The following BCAS1 variants were observed in gnomAD, a reference collection of about 807,000 sequenced individuals.
BCAS1 encodes brain enriched myelin associated protein 1.
In BCAS1, 46 loss-of-function variants were observed where a neutral mutation model predicts 65.4. That is an observed-to-expected ratio of 0.70 (90% CI 0.55 to 0.90). The LOEUF (loss-of-function observed/expected upper bound fraction) is 0.90. BCAS1 is among the 40% of genes least tolerant of loss of function. BCAS1 has a pLI of 0.00. For synonymous variants in BCAS1, 298 were observed against 293.5 expected (o/e 1.02, Z -0.16); for missense variants, 793 against 771.2 (o/e 1.03, Z -0.33).
At chr20:53,984,450 C>T (rs80335054) in intron 8 of BCAS1, among the ~76,000 whole-genome samples, 56 of 152,284 alleles carry the variant, frequency 3.7e-4, no homozygotes, top group African/African-American at 1.3e-3. Context: ...GGATTCTGGA[C>T]GACGGAGTAA....
intron 4 of BCAS1, among the ~76,000 whole-genome samples, chr20:54,005,978 C>T (rs887265831): frequency 1.3e-5 from 2 of 152,132 alleles, no homozygotes; most frequent in African/African-American, 2.4e-5. Context: ...TGGAGTCAGA[C>T]TGAGGAAGTG....
chr20:53,957,121 G>C (rs2089723759), intron 11 of BCAS1, among the ~76,000 whole-genome samples: 1 of 152,236 alleles, frequency 6.6e-6, no homozygotes, highest in African/African-American at 2.4e-5. Context: ...GTAGTTATGA[G>C]AGGCAGATAT....
intron 10 of BCAS1, among the ~76,000 whole-genome samples, chr20:53,966,576 A>C (rs975228967): frequency 6.6e-6 from 1 of 152,192 alleles, no homozygotes; most frequent in African/African-American, 2.4e-5. Flanking sequence ...AAATCACACT[A>C]AAGAACTAAT....
chr20:53,949,211 C>T (rs917854552), intron 12 of BCAS1, among the ~76,000 whole-genome samples: 2 of 152,098 alleles, frequency 1.3e-5, no homozygotes, highest in South Asian at 2.1e-4. Context: ...TCCGCACACA[C>T]ACACACACAC....
chr20:54,046,798 C>T (rs1292743992), intron 3 of BCAS1, among the ~76,000 whole-genome samples: 4 of 148,732 alleles, frequency 2.7e-5, no homozygotes, highest in South Asian at 4.3e-4. Context: ...AAGCCAAGAT[C>T]GTGCCACTGC....
intron 11 of BCAS1, among the ~76,000 whole-genome samples, chr20:53,954,073 T>C (rs1232711802): frequency 6.6e-6 from 1 of 152,196 alleles, no homozygotes; most frequent in Non-Finnish European, 1.5e-5. Context: ...AATCAGAGCA[T>C]TGTATATGAT....
intron 7 of BCAS1, among the ~76,000 whole-genome samples, chr20:53,991,673 GC>G (rs1191843190): frequency 6.6e-6 from 1 of 152,128 alleles, no homozygotes; most frequent in Non-Finnish European, 1.5e-5. Flanking sequence ...AACATGCTCT[GC>G]CTTCATTCAT....
chr20:54,018,707 T>C (rs1235408874), intron 4 of BCAS1, among the ~76,000 whole-genome samples: 1 of 152,178 alleles, frequency 6.6e-6, no homozygotes, highest in Non-Finnish European at 1.5e-5. Flanking sequence ...CAGATGGTCA[T>C]CTAAGTAGCT....
chr20:54,042,486 G>A (rs1055915172), intron 3 of BCAS1, among the ~76,000 whole-genome samples: 3 of 152,130 alleles, frequency 2.0e-5, no homozygotes, highest in African/African-American at 7.2e-5. Flanking sequence ...GAAAGAAAAA[G>A]CTGTGCCCAA....
intron 3 of BCAS1, among the ~76,000 whole-genome samples, chr20:54,036,830 T>C (rs761570187): frequency 9.2e-5 from 14 of 151,414 alleles, no homozygotes; most frequent in Non-Finnish European, 1.9e-4. Context: ...AAACTTGAGT[T>C]TTCTAGAAAG....
intron 3 of BCAS1, among the ~76,000 whole-genome samples, chr20:54,029,744 A>G (rs777979801): frequency 1.3e-5 from 2 of 152,200 alleles, no homozygotes; most frequent in Non-Finnish European, 2.9e-5. Flanking sequence ...ATTAGTTATC[A>G]TTATTCATGA....
Position 53,996,003 on chromosome 20 carries a change from C to T in BCAS1, c.771G>A (p.Ala257=), listed in dbSNP as rs34375573. 19 of 1,611,654 alleles carry T rather than the reference C, an allele frequency of 1.2e-5. No homozygotes were observed. The highest frequency in any genetic ancestry group is 5.3e-5 in the African/African-American group (4 of 74,846). The change falls in exon 5 of 13, where the codon GCG becomes GCA. Residue 257 remains alanine, a synonymous_variant. Coordinates refer to ENST00000688948, the MANE Select transcript of BCAS1 (RefSeq NM_001366298.2). ...CTGGGTCCCCAGGGACAGAGCAATC[C>T]GCAGTTCCAAGTTCTTGTCCTTCTT... is the stretch of plus-strand genomic sequence containing the variant. The part of the protein sequence containing the change: ...KEKEGQELGT[A]DCSVPGDPEG...
intron 10 of BCAS1, among the ~76,000 whole-genome samples, chr20:53,960,138 A>G (rs2089830531): frequency 6.6e-6 from 1 of 152,156 alleles, no homozygotes; most frequent in Non-Finnish European, 1.5e-5. Flanking sequence ...AATGCACAAA[A>G]TGGCTTTTTA....
chr20:53,960,429 C>T (rs527360422), intron 10 of BCAS1, among the ~76,000 whole-genome samples: 1 of 144,752 alleles, frequency 6.9e-6, no homozygotes, highest in Non-Finnish European at 1.5e-5. Context: ...AACAGACCTC[C>T]AGGCTGTCAG....
At chr20:54,029,314 C>G in intron 3 of BCAS1, 1 of 830,682 alleles carries the variant, frequency 1.2e-6, no homozygotes, top group South Asian at 5.5e-5. Flanking sequence ...GGAGGCAGTA[C>G]AGCAGTTAGG....
intron 4 of BCAS1, among the ~76,000 whole-genome samples, chr20:54,001,810 T>A (rs373105597): frequency 6.6e-6 from 1 of 152,216 alleles, no homozygotes; most frequent in Non-Finnish European, 1.5e-5. Flanking sequence ...GCCATTCCCC[T>A]GTCTTGATAA....
At chr20:54,005,982 G>A (rs778526737) in intron 4 of BCAS1, among the ~76,000 whole-genome samples, 3 of 152,196 alleles carry the variant, frequency 2.0e-5, no homozygotes, top group African/African-American at 4.8e-5. Context: ...GTCAGACTGA[G>A]GAAGTGTTGA....
chr20:53,959,484 C>T (rs1288481521), intron 10 of BCAS1, among the ~76,000 whole-genome samples: 1 of 152,142 alleles, frequency 6.6e-6, no homozygotes, highest in Admixed American at 6.5e-5. Flanking sequence ...AAACTCCTGA[C>T]CTCAAATGAT....
intron 3 of BCAS1, among the ~76,000 whole-genome samples, chr20:54,036,072 G>A (rs1267866607): frequency 6.6e-6 from 1 of 151,030 alleles, no homozygotes; most frequent in Non-Finnish European, 1.5e-5. Context: ...GGTGGGAGGA[G>A]GGAGAGGATC....
Sources: gnomAD v4.1 joint callset for allele counts (sites outside exome capture counted in the v4.1 genomes callset) on GRCh38, gnomAD v4.1.1 for gene constraint, MANE v1.5 for transcripts, NCBI Gene and HGNC (gene_info 2026-07-23, HGNC 2026-07-21) for gene names.